ADGRF5: variants seen among roughly 807,000 people sequenced by gnomAD.
The protein encoded by ADGRF5 is adhesion G protein-coupled receptor F5, also known as G-protein coupled receptor 116.
ADGRF5 carries 75 observed loss-of-function variants against 132.3 expected under a neutral mutation model. The observed-to-expected ratio is 0.57, with a 90% CI of 0.47 to 0.69. The LOEUF (loss-of-function observed/expected upper bound fraction) is 0.69. Ranked by LOEUF, ADGRF5 falls within the 30% of genes least tolerant of loss-of-function variation. The pLI is 0.00. For synonymous variants in ADGRF5, 629 were observed against 597.6 expected (o/e 1.05, Z -0.77); for missense variants, 1,516 against 1,630.6 (o/e 0.93, Z 1.21).
chr6:46,910,168 C>T (rs1554210268), intron 1 of ADGRF5, among the ~76,000 whole-genome samples: 1 of 151,900 alleles, frequency 6.6e-6, no homozygotes, highest in Non-Finnish European at 1.5e-5. Context: ...GAGCTGAGTT[C>T]GTCAGAACTC....
Position 46,858,681 on chromosome 6 carries a change from G to A in ADGRF5, c.3222C>T (p.Ile1074=). The change falls in exon 17 of 21, where the codon ATC becomes ATT. Residue 1074 remains isoleucine (I), a synonymous_variant. Coordinates refer to ENST00000283296, the MANE Select transcript of ADGRF5 (RefSeq NM_001098518.2). ...TGCAGAGTATGTAGCGATTGTCCTG[G>A]ATGGCAGCGACCACAATGAACCAGG... ...ANTWFIVVAA[I]QDNRYILCKT... The A allele has an allele frequency of 6.2e-7, 1 of 1,614,144 alleles. No individual in the cohort carries two copies. The highest frequency in any genetic ancestry group is 2.2e-5 in the East Asian group (1 of 44,868).
intron 20 of ADGRF5, chr6:46,854,611 C>T (rs1010397780): frequency 5.8e-5 from 34 of 581,718 alleles, no homozygotes; most frequent in South Asian, 1.8e-4. Flanking sequence ...AAGGCAGCCT[C>T]AGAGCAACTG....
At chr6:46,948,382 C>T (rs9349384) in intron 1 of ADGRF5, among the ~76,000 whole-genome samples, 49,123 of 151,536 alleles carry the variant, frequency 0.32, 9,795 homozygotes, top group Non-Finnish European at 0.43. Context: ...TCTGTTATGC[C>T]CATTTCATCA....
At chr6:46,903,854 C>CTG (rs1370663838) in intron 2 of ADGRF5, among the ~76,000 whole-genome samples, 1 of 152,146 alleles carries the variant, frequency 6.6e-6, no homozygotes, top group African/African-American at 2.4e-5. Context: ...CACTTGGGCT[C>CTG]TGTGCTAGTC....
At chr6:46,909,418 A>G (rs543977713) in intron 1 of ADGRF5, among the ~76,000 whole-genome samples, 1 of 152,238 alleles carries the variant, frequency 6.6e-6, no homozygotes, top group Non-Finnish European at 1.5e-5. Flanking sequence ...AGCCCTCAGT[A>G]TTAGCCTTGC....
intron 6 of ADGRF5, among the ~76,000 whole-genome samples, chr6:46,882,490 G>T (rs1488664632): frequency 6.6e-6 from 1 of 152,204 alleles, no homozygotes; most frequent in African/African-American, 2.4e-5. Flanking sequence ...CCCAGTGTCT[G>T]CCAGACACAG....
intron 20 of ADGRF5, 99 bp downstream of exon 20, chr6:46,855,874 TA>T: frequency 2.8e-6 from 2 of 718,826 alleles, no homozygotes; most frequent in Non-Finnish European, 5.0e-6. Flanking sequence ...ACATTTCAGG[TA>T]AATGCCATGA....
chr6:46,918,080 G>C (rs868717148), intron 1 of ADGRF5, among the ~76,000 whole-genome samples: 5 of 152,176 alleles, frequency 3.3e-5, no homozygotes, highest in Non-Finnish European at 5.9e-5. Context: ...AAGATTTCAC[G>C]TTGGCGATTA....
chr6:46,884,024 G>A, intron 5 of ADGRF5, 71 bp downstream of exon 5: 1 of 1,247,340 alleles, frequency 8.0e-7, no homozygotes, highest in Non-Finnish European at 1.2e-6. Context: ...TTACAGGCAT[G>A]AGCCACCATG....
rs768512834 is a variant in ADGRF5 at position 46,883,575 on chromosome 6, G to A, written c.596C>T (p.Thr199Ile). ...AAAACCTACCGCTGTTTCCAAGTCG[G>A]TCTTGTAGGACCTATAGAGGGCGGA... The part of the protein sequence containing the change: ...TSSALYRSYK[T>I]DLETAFRKGY... The change falls in exon 6 of 21, where the codon ACC becomes ATC. Residue 199 changes from threonine (T) to isoleucine (I), a missense_variant. Physicochemically the swap from Thr to Ile is moderately conservative, Grantham distance 89 (BLOSUM62 -1). This residue lies in a region of ADGRF5 where 945 missense variants were observed against 929.4 expected (regional missense o/e 1.02). Coordinates refer to ENST00000283296, the MANE Select transcript of ADGRF5 (RefSeq NM_001098518.2). 160 of 1,603,796 alleles carry A rather than the reference G, an allele frequency of 1.0e-4. No homozygotes were observed. The highest frequency in any genetic ancestry group is 1.3e-4 in the Non-Finnish European group (158 of 1,173,186).
intron 1 of ADGRF5, among the ~76,000 whole-genome samples, chr6:46,934,929 C>T (rs1777740805): frequency 6.7e-6 from 1 of 150,016 alleles, no homozygotes; most frequent in African/African-American, 2.5e-5. Context: ...CTTAGACCTT[C>T]AATAGATTTT....
chr6:46,864,717 G>C (rs1295328385), intron 14 of ADGRF5, among the ~76,000 whole-genome samples: 1 of 152,004 alleles, frequency 6.6e-6, no homozygotes, highest in East Asian at 1.9e-4. Flanking sequence ...GTAGAGACGA[G>C]GTTTCACCGT....
At chr6:46,885,359 C>G (rs1036696814) in intron 4 of ADGRF5, among the ~76,000 whole-genome samples, 1 of 152,134 alleles carries the variant, frequency 6.6e-6, no homozygotes, top group African/African-American at 2.4e-5. Flanking sequence ...CTAAGCTGCT[C>G]TAAGATTTCT....
chr6:46,885,540 G>A (rs978298756), intron 4 of ADGRF5, among the ~76,000 whole-genome samples: 1 of 152,182 alleles, frequency 6.6e-6, no homozygotes, highest in African/African-American at 2.4e-5. Flanking sequence ...CCCCAGTGAG[G>A]AAGAATAAGC....
In ADGRF5 at chr6:46,863,518, A is replaced by C. The variant is rs530136992; in HGVS notation, c.1991-422T>G. 1.3e-3 allele frequency among the ~76,000 whole-genome samples: 193 copies of C among 152,320 alleles called. 1 individual carries two copies. The highest frequency in any genetic ancestry group is 3.9e-3 in the South Asian group (19 of 4,822). On this transcript the variant is annotated intron_variant, in intron 14 of 20. Transcript: ENST00000283296. ...TGAGAATCACTGCCATAATCCAAAGACATAATTGCTAGTAGGAACTCTAGG... is the reference window on the plus strand; with the variant it reads ...TGAGAATCACTGCCATAATCCAAAGCCATAATTGCTAGTAGGAACTCTAGG...
chr6:46,874,618 G>A (rs1401307129), intron 10 of ADGRF5, among the ~76,000 whole-genome samples: 2 of 152,204 alleles, frequency 1.3e-5, no homozygotes, highest in Non-Finnish European at 2.9e-5. Context: ...GGCGGCTGTA[G>A]TTCTGGTATG....
At chr6:46,874,691 A>G (rs911112257) in intron 10 of ADGRF5, among the ~76,000 whole-genome samples, 3 of 152,158 alleles carry the variant, frequency 2.0e-5, no homozygotes, top group African/African-American at 4.8e-5. Context: ...CATTCCATCA[A>G]GCTGCTTCAG....
chr6:46,884,341 T>C lies in ADGRF5; in HGVS notation c.329-70A>G, dbSNP rs530885550. ...GGTCACCATATTTGTATTTATAGCC[T>C]GCAGGTATTCATTCTTGAAGAACAT... is the stretch of plus-strand genomic sequence containing the variant. On this transcript the variant is annotated intron_variant, in intron 4 of 20. Transcript: ENST00000283296. 60 of 1,212,414 alleles carry C rather than the reference T, an allele frequency of 4.9e-5. No individual in the cohort carries two copies. In the South Asian group the frequency reaches 7.3e-4, roughly 15 times the overall value. 75.1% of individuals were successfully genotyped at this position (1,212,414 alleles called of 1,614,324 possible).
At chr6:46,888,273 C>A in intron 4 of ADGRF5, 62 bp downstream of exon 4, 1 of 1,197,580 alleles carries the variant, frequency 8.4e-7, no homozygotes, top group Non-Finnish European at 1.2e-6. Context: ...TACTCAGGAG[C>A]TCAGACAGTC....
Sources: gnomAD v4.1 joint callset for allele counts (sites outside exome capture counted in the v4.1 genomes callset) on GRCh38, gnomAD v4.1.1 for gene constraint, gnomAD v4.1.1 regional missense constraint, MANE v1.5 for transcripts, NCBI Gene and HGNC (gene_info 2026-07-23, HGNC 2026-07-21) for gene names.